The following LRRC72 variants were observed in gnomAD, a reference collection of about 807,000 sequenced individuals.
The protein encoded by LRRC72 is leucine rich repeat containing 72.
LRRC72 carries 41 observed loss-of-function variants against 35.8 expected under a neutral mutation model. The ratio of observed to expected loss-of-function variants is 1.15; its 90% CI spans 0.89 to 1.49. The LOEUF (loss-of-function observed/expected upper bound fraction) is 1.49. LRRC72 is among the 40% of genes most tolerant of loss of function. The pLI, the probability that LRRC72 is intolerant of heterozygous loss-of-function variation, is 0.00. For synonymous variants in LRRC72, 118 were observed against 119.2 expected (o/e 0.99, Z 0.07); for missense variants, 389 against 330.7 (o/e 1.18, Z -1.37).
chr7:16,537,742 C>T (rs1262232442), intron 3 of LRRC72, 46 bp downstream of exon 3: 21 of 1,103,876 alleles, frequency 1.9e-5, no homozygotes, highest in Admixed American at 2.8e-5. Flanking sequence ...AAACTACTAT[C>T]TTAATTTTGT....
chr7:16,544,951 T>A (rs748344431), intron 3 of LRRC72, among the ~76,000 whole-genome samples: 1 of 146,578 alleles, frequency 6.8e-6, no homozygotes, highest in South Asian at 2.1e-4. Flanking sequence ...TTTATAAACA[T>A]CATTATCTAA....
In LRRC72 at chr7:16,532,415, C is replaced by T. The variant is rs539461309; in HGVS notation, c.91-80C>T. The T allele has an allele frequency of 2.8e-5, 26 of 918,056 alleles. No homozygotes were observed. The East Asian group carries it at 3.7e-4, about 13-fold the overall frequency. The allele number at this position is 918,056 out of a possible 1,614,324, so 56.9% of individuals were successfully genotyped here. A position where few individuals can be genotyped will look rare whatever the true frequency, so the allele number is the denominator to read the frequency against. ...ACCTTTCTTTTGATCTTCTTGTAGA[C>T]GTTATTGTTACTGACTGCAAGTGCC... On this transcript the variant is annotated intron_variant, in intron 1 of 8. Coordinates refer to ENST00000401542, the MANE Select transcript of LRRC72 (RefSeq NM_001195280.2).
chr7:16,545,510 T>C (rs1036365507), intron 3 of LRRC72, among the ~76,000 whole-genome samples: 4 of 152,228 alleles, frequency 2.6e-5, no homozygotes, highest in Non-Finnish European at 4.4e-5. Flanking sequence ...TTTGGGTATA[T>C]GTATTTGTTT....
intron 3 of LRRC72, among the ~76,000 whole-genome samples, chr7:16,555,016 A>G (rs2128336943): frequency 6.6e-6 from 1 of 152,364 alleles, no homozygotes; most frequent in South Asian, 2.1e-4. Flanking sequence ...GAGGAAGAAC[A>G]GAAGGCAGCG....
At position 16,527,056 on chromosome 7, in the gene LRRC72, G is replaced by A; in HGVS notation, c.90+14G>A. 1 of 1,535,678 alleles carries A rather than the reference G, an allele frequency of 6.5e-7. No homozygotes were observed. The highest frequency in any genetic ancestry group is 8.7e-7 in the Non-Finnish European group (1 of 1,145,670). ...AGCAGTCGCCGGGTAAGCGGCACCT[G>A]CCTTCCCAAGCCATCAGCCCCTTTG... On this transcript the variant is annotated intron_variant, in intron 1 of 8. Transcript: ENST00000401542.
At chr7:16,568,248 AC>A (rs1782884499) in intron 7 of LRRC72, among the ~76,000 whole-genome samples, 1 of 152,126 alleles carries the variant, frequency 6.6e-6, no homozygotes, top group African/African-American at 2.4e-5. Context: ...TGGCTGGTGT[AC>A]CCCCAAGCCT....
intron 5 of LRRC72, among the ~76,000 whole-genome samples, chr7:16,561,824 A>G (rs1368092932): frequency 6.6e-6 from 1 of 152,228 alleles, no homozygotes; most frequent in Non-Finnish European, 1.5e-5. Context: ...TCATGTCCTC[A>G]GATTAAGTTT....
intron 3 of LRRC72, among the ~76,000 whole-genome samples, chr7:16,543,508 C>A (rs980180239): frequency 6.6e-6 from 1 of 152,166 alleles, no homozygotes; most frequent in Non-Finnish European, 1.5e-5. Flanking sequence ...TTCTTTCCTT[C>A]TTCCTGTCCA....
At chr7:16,539,399 C>T (rs962494980) in intron 3 of LRRC72, among the ~76,000 whole-genome samples, 3 of 152,108 alleles carry the variant, frequency 2.0e-5, no homozygotes, top group African/African-American at 2.4e-5. Flanking sequence ...TGGCTGATTC[C>T]GAAAGCATTC....
intron 2 of LRRC72, among the ~76,000 whole-genome samples, chr7:16,533,875 A>C (rs1782208999): frequency 6.6e-6 from 1 of 152,200 alleles, no homozygotes; most frequent in Non-Finnish European, 1.5e-5. Flanking sequence ...TTAAAATAAC[A>C]GTAAATATTT....
chr7:16,568,816 A>G (rs950123742), intron 7 of LRRC72, among the ~76,000 whole-genome samples: 2 of 152,248 alleles, frequency 1.3e-5, no homozygotes, highest in Admixed American at 6.5e-5. Context: ...GAGATTCACA[A>G]CAGACTCTCC....
intron 7 of LRRC72, among the ~76,000 whole-genome samples, chr7:16,570,538 G>A (rs903449861): frequency 1.3e-5 from 2 of 152,024 alleles, no homozygotes; most frequent in African/African-American, 4.8e-5. Flanking sequence ...AATATAACTC[G>A]CCAGGCGTGG....
At chr7:16,529,936 T>C (rs1341698763) in intron 1 of LRRC72, among the ~76,000 whole-genome samples, 1 of 152,208 alleles carries the variant, frequency 6.6e-6, no homozygotes, top group Non-Finnish European at 1.5e-5. Context: ...TGAAAGTCCC[T>C]CATGATCTCA....
chr7:16,527,530 C>A (rs1245320641), intron 1 of LRRC72, among the ~76,000 whole-genome samples: 1 of 151,820 alleles, frequency 6.6e-6, no homozygotes, highest in Admixed American at 6.6e-5. Flanking sequence ...CAAATCAACA[C>A]CTTGAAGAGA....
At chr7:16,533,903 G>C (rs966444956) in intron 2 of LRRC72, among the ~76,000 whole-genome samples, 1 of 152,118 alleles carries the variant, frequency 6.6e-6, no homozygotes, top group African/African-American at 2.4e-5. Context: ...TCAAAAGATT[G>C]CATCTTTCAT....
chr7:16,542,984 T>C (rs1261229145), intron 3 of LRRC72, among the ~76,000 whole-genome samples: 1 of 152,142 alleles, frequency 6.6e-6, no homozygotes, highest in Non-Finnish European at 1.5e-5. Flanking sequence ...AGCTTCTGAG[T>C]GGTTATGGGA....
rs144995072 is a variant in LRRC72, at chr7:16,555,174, T to C, written c.235-2186T>C. 7.4e-3 allele frequency among the ~76,000 whole-genome samples: 1,126 copies of C among 152,312 alleles called. 2 individuals are homozygous for C. The highest frequency in any genetic ancestry group is 9.9e-3 in the Non-Finnish European group (674 of 68,024). On this transcript the variant is annotated intron_variant, in intron 3 of 8. Coordinates refer to ENST00000401542, the MANE Select transcript of LRRC72 (RefSeq NM_001195280.2). ...ACAAAACATTTGGTGAAATTACTAATGGTCTTCCAGGAGGAGTGCTGGCAT... is the reference window on the plus strand; with the variant it reads ...ACAAAACATTTGGTGAAATTACTAACGGTCTTCCAGGAGGAGTGCTGGCAT...
intron 5 of LRRC72, among the ~76,000 whole-genome samples, chr7:16,564,029 G>T (rs1782785905): frequency 6.6e-6 from 1 of 152,144 alleles, no homozygotes; most frequent in Non-Finnish European, 1.5e-5. Context: ...AGGATTAGCA[G>T]AAAAACCCAA....
intron 5 of LRRC72, among the ~76,000 whole-genome samples, chr7:16,563,199 G>A (rs1268493658): frequency 6.6e-6 from 1 of 152,012 alleles, no homozygotes; most frequent in Non-Finnish European, 1.5e-5. Flanking sequence ...TAAAAACATT[G>A]GGGTTCATTT....
Sources: allele counts gnomAD v4.1 joint callset (sites outside exome capture counted in the v4.1 genomes callset), GRCh38; gene constraint gnomAD v4.1.1; transcripts MANE v1.5; gene names NCBI Gene and HGNC (gene_info 2026-07-23, HGNC 2026-07-21).